The following ARHGAP39 variants were observed in gnomAD, a reference collection of about 807,000 sequenced individuals.
The protein encoded by ARHGAP39 is rho GTPase-activating protein 39.
In ARHGAP39, 44 loss-of-function variants were observed where a neutral mutation model predicts 106.9. The observed-to-expected ratio is 0.41, with a 90% CI of 0.32 to 0.53. The LOEUF (loss-of-function observed/expected upper bound fraction) is 0.53, where lower values mean the gene tolerates loss of function less well. Among genes scored for constraint, ARHGAP39 ranks in the 20% least tolerant of loss-of-function variants. The probability of loss-of-function intolerance (pLI) is 0.21; values close to 1 mark genes in which losing one functional copy is unlikely to be tolerated. For synonymous variants in ARHGAP39, 768 were observed against 693.2 expected, an observed-to-expected ratio of 1.11 and a Z score of -1.69; for missense variants, 1,496 against 1,577.3, an observed-to-expected ratio of 0.95 and a Z score of 0.87.
Position 144,671,796 on chromosome 8 carries a change from C to T in ARHGAP39, c.-82+13890G>A, listed in dbSNP as rs1822107842. Among the ~76,000 whole-genome samples the T allele has an allele frequency of 6.6e-6, 1 of 152,262 alleles. No homozygotes were observed. The highest frequency in any genetic ancestry group is 1.5e-5 in the Non-Finnish European group (1 of 68,038). ...TTAGCACAACTCACTCCCGTGTCCCCCACCAGAGGCCTGGTCTGTCTCCTC... is the reference window on the plus strand; with the variant it reads ...TTAGCACAACTCACTCCCGTGTCCCTCACCAGAGGCCTGGTCTGTCTCCTC... On this transcript the variant is annotated intron_variant, in intron 1 of 11. Coordinates refer to ENST00000377307, the MANE Select transcript of ARHGAP39 (RefSeq NM_025251.3). This position sits in a 1 kb window ranked among gnomAD's most constrained non-coding sequence, Gnocchi z 4.5.
At chr8:144,608,521 A>G (rs2130951102) in intron 1 of ARHGAP39, among the ~76,000 whole-genome samples, 1 of 152,314 alleles carries the variant, frequency 6.6e-6, no homozygotes, top group East Asian at 1.9e-4. Flanking sequence ...CCGGGTCTGC[A>G]ATCAGGCACT....
intron 2 of ARHGAP39, among the ~76,000 whole-genome samples, chr8:144,587,871 T>C (rs1194756248): frequency 6.6e-6 from 1 of 152,096 alleles, no homozygotes; most frequent in Non-Finnish European, 1.5e-5. Context: ...CAGGCTGGTC[T>C]CGAACTACTG....
chr8:144,566,461 G>A (rs1818399948), intron 3 of ARHGAP39, among the ~76,000 whole-genome samples: 1 of 151,928 alleles, frequency 6.6e-6, no homozygotes, highest in Non-Finnish European at 1.5e-5. Flanking sequence ...GTGCTGAGGT[G>A]GGAGGACAGT....
At chr8:144,633,925 A>T (rs1821125841) in intron 1 of ARHGAP39, among the ~76,000 whole-genome samples, 1 of 152,266 alleles carries the variant, frequency 6.6e-6, no homozygotes. Flanking sequence ...AAAAAGATAC[A>T]TGAATACAAG....
At chr8:144,567,949 C>A (rs1347286423) in intron 3 of ARHGAP39, among the ~76,000 whole-genome samples, 2 of 152,130 alleles carry the variant, frequency 1.3e-5, no homozygotes, top group East Asian at 3.9e-4. Flanking sequence ...TGGTAGTGGT[C>A]CCCTGGGCCC....
At chr8:144,632,374 C>G (rs983010540) in intron 1 of ARHGAP39, among the ~76,000 whole-genome samples, 1 of 152,220 alleles carries the variant, frequency 6.6e-6, no homozygotes, top group Admixed American at 6.5e-5. Flanking sequence ...AGCCCCTCTT[C>G]CAGCCGCACT....
intron 4 of ARHGAP39, among the ~76,000 whole-genome samples, chr8:144,554,467 G>A (rs1817839515): frequency 6.6e-6 from 1 of 152,204 alleles, no homozygotes; most frequent in South Asian, 2.1e-4. Flanking sequence ...ATGGCATCCT[G>A]GGGATGGCAG....
At chr8:144,611,638 A>G (rs1488735096) in intron 1 of ARHGAP39, among the ~76,000 whole-genome samples, 1 of 152,246 alleles carries the variant, frequency 6.6e-6, no homozygotes. Flanking sequence ...TTGATATTAC[A>G]GTAACTCCGG....
chr8:144,553,793 G>A (rs557923906), intron 4 of ARHGAP39, among the ~76,000 whole-genome samples: 106 of 152,372 alleles, frequency 7.0e-4, no homozygotes, highest in Middle Eastern at 3.4e-3. Context: ...AGGGATGCAC[G>A]GCACTACTGA....
intron 1 of ARHGAP39, among the ~76,000 whole-genome samples, chr8:144,621,756 T>A (rs1286008004): frequency 6.6e-6 from 1 of 152,212 alleles, no homozygotes; most frequent in East Asian, 1.9e-4. Context: ...AGGTAGAGGC[T>A]GCAGTGAGCC....
intron 1 of ARHGAP39, among the ~76,000 whole-genome samples, chr8:144,649,864 C>T (rs780232672): frequency 1.3e-5 from 2 of 152,022 alleles, no homozygotes; most frequent in African/African-American, 2.4e-5. Flanking sequence ...CTAGAAGAGA[C>T]GGATAAATTC....
the ARHGAP39 span, among the ~76,000 whole-genome samples, chr8:144,697,284 C>T: frequency 2.8e-5 from 4 of 143,232 alleles, no homozygotes; most frequent in South Asian, 2.2e-4. Flanking sequence ...AAGCTGACAT[C>T]GTGGCTTGGG....
chr8:144,694,393 A>G, the ARHGAP39 span, among the ~76,000 whole-genome samples: 1 of 152,168 alleles, frequency 6.6e-6, no homozygotes, highest in Non-Finnish European at 1.5e-5. Context: ...GCCCTAGCCT[A>G]TGCACTGGCT....
rs1011058502 is a variant in ARHGAP39, at chr8:144,671,541, G to A, written c.-82+14145C>T. On this transcript the variant is annotated intron_variant, in intron 1 of 11. Transcript: ENST00000377307. The surrounding 1 kb of genome is among the most constrained non-coding windows in gnomAD (Gnocchi z 4.5). ...CAGATGCCTGCTCACCTGGGCTCTC[G>A]CCAACACTCCAGTCACAGAGCTGCC... Among the ~76,000 whole-genome samples the A allele has an allele frequency of 6.6e-5, 10 of 152,224 alleles. No individual in the cohort carries two copies. The East Asian group carries it at 1.2e-3, about 18-fold the overall frequency.
chr8:144,681,941 G>A (rs908232465), intron 1 of ARHGAP39, among the ~76,000 whole-genome samples: 6 of 152,156 alleles, frequency 3.9e-5, no homozygotes, highest in Non-Finnish European at 7.3e-5. Flanking sequence ...GAGAAATATG[G>A]GGAATCTTTC....
intron 1 of ARHGAP39, among the ~76,000 whole-genome samples, chr8:144,639,325 C>CAAA (rs1320599462): frequency 1.5e-5 from 1 of 64,928 alleles, no homozygotes; most frequent in Non-Finnish European, 3.8e-5. Flanking sequence ...GATGCTGTCT[C>CAAA]AAAAAAAAAA....
At chr8:144,554,168 T>C (rs542818368) in intron 4 of ARHGAP39, among the ~76,000 whole-genome samples, 2 of 152,240 alleles carry the variant, frequency 1.3e-5, no homozygotes, top group African/African-American at 4.8e-5. Flanking sequence ...TCCAGGAGGA[T>C]CCTTGGACCT....
intron 3 of ARHGAP39, among the ~76,000 whole-genome samples, chr8:144,576,106 C>G (rs1451574451): frequency 6.6e-6 from 1 of 151,936 alleles, no homozygotes; most frequent in African/African-American, 2.4e-5. Flanking sequence ...GTGAGGTGGG[C>G]AGATCATGAG....
At chr8:144,555,460 T>G (rs999129273) in intron 4 of ARHGAP39, 100 bp downstream of exon 4, 1 of 1,044,800 alleles carries the variant, frequency 9.6e-7, no homozygotes, top group African/African-American at 1.6e-5. Flanking sequence ...GTCTGTGGTG[T>G]TGCTGCTACG....
Sources: allele counts gnomAD v4.1 joint callset (sites outside exome capture counted in the v4.1 genomes callset), GRCh38; gene constraint gnomAD v4.1.1; non-coding constraint Gnocchi (gnomAD v3.1); transcripts MANE v1.5; gene names NCBI Gene and HGNC (gene_info 2026-07-23, HGNC 2026-07-21).